The following NEK11 variants were observed in gnomAD, a reference collection of about 807,000 sequenced individuals.
NEK11 encodes the protein NIMA related kinase 11, also known as serine/threonine-protein kinase Nek11.
In NEK11, 72 loss-of-function variants were observed where a neutral mutation model predicts 80.7. The ratio of observed to expected loss-of-function variants is 0.89; its 90% CI spans 0.74 to 1.08. The LOEUF (loss-of-function observed/expected upper bound fraction) is 1.08. NEK11 is among the 50% of genes least tolerant of loss of function. The pLI, the probability that NEK11 is intolerant of heterozygous loss-of-function variation, is 0.00. For missense variants in NEK11, 764 were observed against 763.6 expected, an observed-to-expected ratio of 1.00 and a Z score of -0.01; for synonymous variants, 251 against 260.7, an observed-to-expected ratio of 0.96 and a Z score of 0.36.
chr3:131,213,870 A>G (rs1221431783), intron 14 of NEK11, among the ~76,000 whole-genome samples: 3 of 152,120 alleles, frequency 2.0e-5, no homozygotes, highest in Admixed American at 6.5e-5. Flanking sequence ...CCCCAGTGGG[A>G]TGATATTTCG....
intron 7 of NEK11, among the ~76,000 whole-genome samples, chr3:131,140,322 G>T (rs952456129): frequency 1.3e-5 from 2 of 152,146 alleles, no homozygotes; most frequent in Non-Finnish European, 2.9e-5. Flanking sequence ...CACATTGAGA[G>T]GAACCAAGGC....
At chr3:131,140,739 T>C (rs972043869) in intron 7 of NEK11, among the ~76,000 whole-genome samples, 6 of 152,210 alleles carry the variant, frequency 3.9e-5, no homozygotes, top group Non-Finnish European at 7.3e-5. Context: ...TCTGGCACTC[T>C]ACTTGCTGGT....
chr3:131,329,153 TAA>T (rs1002096812), intron 17 of NEK11: 1 of 152,180 alleles, frequency 6.6e-6, no homozygotes, highest in Non-Finnish European at 1.5e-5. Flanking sequence ...GCAGGCCCCA[TAA>T]AGCCAATGCA....
At chr3:131,077,101 CTGATGCTAGAAAGAAAGAAAGCA>C (rs958349698) in intron 3 of NEK11, among the ~76,000 whole-genome samples, 2 of 152,154 alleles carry the variant, frequency 1.3e-5, no homozygotes, top group Non-Finnish European at 2.9e-5. Flanking sequence ...TGTCAGTTCA[CTGATGCTAGAAAGAAAGAAAGCA>C]TGTAACTTGG....
At chr3:131,345,494 A>G (rs138983430) in intron 17 of NEK11, among the ~76,000 whole-genome samples, 1,587 of 152,302 alleles carry the variant, frequency 0.01, 25 homozygotes, top group African/African-American at 0.034. Context: ...ATGAAATATC[A>G]CCTCACACCC....
intron 14 of NEK11, among the ~76,000 whole-genome samples, chr3:131,224,808 A>G (rs768277776): frequency 1.8e-4 from 28 of 152,206 alleles, no homozygotes; most frequent in Non-Finnish European, 3.4e-4. Context: ...TTGAAAAAGA[A>G]AAAGAAAGAA....
intron 15 of NEK11, among the ~76,000 whole-genome samples, chr3:131,241,291 A>T (rs2095514871): frequency 6.6e-6 from 1 of 152,126 alleles, no homozygotes; most frequent in African/African-American, 2.4e-5. Context: ...ATAAACATGA[A>T]ACAAAGATGT....
At chr3:131,340,548 T>C (rs1582419219) in intron 17 of NEK11, among the ~76,000 whole-genome samples, 1 of 152,226 alleles carries the variant, frequency 6.6e-6, no homozygotes, top group East Asian at 1.9e-4. Context: ...GATGAGAGAT[T>C]GAGTTTGGAG....
Position 131,237,434 on chromosome 3 carries a change from G to A in NEK11, c.1561-6002G>A, listed in dbSNP as rs116283827. On this transcript the variant is annotated intron_variant, in intron 15 of 17. Coordinates refer to ENST00000383366, the MANE Select transcript of NEK11 (RefSeq NM_024800.5). ...TGGTCTAAGCACTGGGTATATGGTA[G>A]TGAACACAATAGACATAGTTCCACC... Among the ~76,000 whole-genome samples the A allele has an allele frequency of 8.8e-3, 1,333 of 152,288 alleles. 14 individuals carry two copies. The highest frequency in any genetic ancestry group is 0.028 in the African/African-American group (1,182 of 41,560).
intron 17 of NEK11, among the ~76,000 whole-genome samples, chr3:131,319,629 A>C (rs1173162321): frequency 6.6e-6 from 1 of 152,154 alleles, no homozygotes; most frequent in Non-Finnish European, 1.5e-5. Context: ...CTCCTATCAG[A>C]GTTTACCTGA....
chr3:131,088,475 A>C (rs1002010185), intron 4 of NEK11, among the ~76,000 whole-genome samples: 2 of 152,238 alleles, frequency 1.3e-5, no homozygotes, highest in African/African-American at 4.8e-5. Context: ...GCAATCTGCA[A>C]ACCCAGTAGA....
At chr3:131,278,559 T>G (rs1039766966) in intron 17 of NEK11, among the ~76,000 whole-genome samples, 38 of 101,138 alleles carry the variant, frequency 3.8e-4, no homozygotes, top group Non-Finnish European at 5.5e-4. Flanking sequence ...TTTTGTTTTG[T>G]TTTTTTTTGT....
chr3:131,243,864 C>T (rs1357131367), intron 16 of NEK11, among the ~76,000 whole-genome samples: 1 of 152,038 alleles, frequency 6.6e-6, no homozygotes, highest in African/African-American at 2.4e-5. Flanking sequence ...CTGGGAGGAC[C>T]ATCACTCCGA....
chr3:131,120,725 A>G (rs950772352), intron 5 of NEK11, among the ~76,000 whole-genome samples: 22 of 152,164 alleles, frequency 1.4e-4, no homozygotes, highest in African/African-American at 5.1e-4. Flanking sequence ...CATTTCATTC[A>G]TCTGATCTTC....
Position 131,098,015 on chromosome 3 carries a change from T to C in NEK11, c.337-11788T>C, listed in dbSNP as rs1440696861. On this transcript the variant is annotated intron_variant, in intron 4 of 17. Coordinates refer to ENST00000383366, the MANE Select transcript of NEK11 (RefSeq NM_024800.5). ...AAATAATGCCGCATATCTACAACTA[T>C]CTGATCTTTGACAAACCTGAGAAAA... Among the ~76,000 whole-genome samples the C allele has an allele frequency of 1.4e-5, 2 of 145,550 alleles. 1 individual carries two copies. The highest frequency in any genetic ancestry group is 3.1e-5 in the Non-Finnish European group (2 of 64,476).
intron 15 of NEK11, among the ~76,000 whole-genome samples, chr3:131,236,484 C>T (rs2095433091): frequency 6.6e-6 from 1 of 152,320 alleles, no homozygotes; most frequent in Middle Eastern, 3.4e-3. Context: ...ATCCCACAGG[C>T]ATTGACTTGC....
At chr3:131,249,506 T>C (rs2108258609) in intron 16 of NEK11, among the ~76,000 whole-genome samples, 1 of 152,142 alleles carries the variant, frequency 6.6e-6, no homozygotes, top group Middle Eastern at 3.4e-3. Context: ...ACAGACTCGA[T>C]TTGGGGGAAC....
rs2096171387 is a variant in NEK11 at position 131,270,903 on chromosome 3, A to G, written c.1622-2575A>G. The stretch of plus-strand genomic sequence containing the variant: ...CTTATTTTTATTCTTGGCGGAACTG[A>G]TTTTTGAGCTTGCATGTGAGTTACT... On this transcript the variant is annotated intron_variant, in intron 16 of 17. Coordinates refer to ENST00000383366, the MANE Select transcript of NEK11 (RefSeq NM_024800.5). 2.0e-5 allele frequency among the ~76,000 whole-genome samples: 3 copies of G among 152,160 alleles called. No individual in the cohort carries two copies. In the South Asian group the frequency reaches 6.2e-4, roughly 32 times the overall value.
Position 131,256,733 on chromosome 3 carries a change from C to T in NEK11, c.1621+13237C>T, listed in dbSNP as rs192634823. ...CATGAGTTTGCAGTTAGCTATCACC[C>T]AGGGCCACAGTCATCTGAAGGCTTC... On this transcript the variant is annotated intron_variant, in intron 16 of 17. Coordinates refer to ENST00000383366, the MANE Select transcript of NEK11 (RefSeq NM_024800.5). Among the ~76,000 whole-genome samples, 24 of 152,176 alleles carry T rather than the reference C, an allele frequency of 1.6e-4. 1 individual carries two copies. The highest frequency in any genetic ancestry group is 5.8e-4 in the African/African-American group (24 of 41,536).
Sources: allele counts gnomAD v4.1 joint callset (sites outside exome capture counted in the v4.1 genomes callset), GRCh38; gene constraint gnomAD v4.1.1; transcripts MANE v1.5; gene names NCBI Gene and HGNC (gene_info 2026-07-23, HGNC 2026-07-21).